The following PRKG1 variants were observed in gnomAD, a reference collection of about 807,000 sequenced individuals.
PRKG1 encodes protein kinase cGMP-dependent 1, also known as cGMP-dependent protein kinase 1.
In PRKG1, 35 loss-of-function variants were observed where a neutral mutation model predicts 88.1. The observed-to-expected ratio is 0.40, with a 90% CI of 0.30 to 0.53. The LOEUF is 0.53. Among genes scored for constraint, PRKG1 ranks in the 20% least tolerant of loss-of-function variants. The probability of loss-of-function intolerance (pLI) is 0.59; values close to 1 mark genes in which losing one functional copy is unlikely to be tolerated. For synonymous variants in PRKG1, 303 were observed against 292.5 expected, an observed-to-expected ratio of 1.04 and a Z score of -0.37; for missense variants, 540 against 839.8, an observed-to-expected ratio of 0.64 and a Z score of 4.41.
chr10:52,033,721 G>C (rs1845528364), intron 5 of PRKG1, among the ~76,000 whole-genome samples: 1 of 152,076 alleles, frequency 6.6e-6, no homozygotes, highest in South Asian at 2.1e-4. Flanking sequence ...GTGTTTCTAG[G>C]GCTTCTACTA....
chr10:51,068,383 A>G (rs911259834), intron 1 of PRKG1: 2 of 151,982 alleles, frequency 1.3e-5, no homozygotes, highest in Non-Finnish European at 2.9e-5. Flanking sequence ...ATTTCTTGAC[A>G]TCTTTCTCTT....
In PRKG1 at chr10:51,908,709, C is replaced by CTA. The variant is rs58771112; in HGVS notation, c.762+1140_762+1141insAT. On this transcript the variant is annotated intron_variant, in intron 5 of 17. Transcript: ENST00000373980. ...AGATTGTGACTCTCTCTCTCTCTCTCTCTCTGTCTATCTATCTATATGTAA... is the reference window on the plus strand; with the variant it reads ...AGATTGTGACTCTCTCTCTCTCTCTCTATCTCTGTCTATCTATCTATATGTAA... The CTA allele has an allele frequency of 8.9e-4, 67 of 75,216 alleles. 1 individual carries two copies. The highest frequency in any genetic ancestry group is 7.2e-3 in the Middle Eastern group (1 of 138). The allele number at this position is 75,216 out of a possible 1,614,324, so 4.7% of individuals were successfully genotyped here.
intron 3 of PRKG1, among the ~76,000 whole-genome samples, chr10:51,591,263 C>A (rs890389888): frequency 6.6e-6 from 1 of 152,136 alleles, no homozygotes; most frequent in South Asian, 2.1e-4. Context: ...GAGACGAACT[C>A]TATAATCCTT....
chr10:51,107,272 G>A (rs538030548), intron 1 of PRKG1, among the ~76,000 whole-genome samples: 6 of 152,232 alleles, frequency 3.9e-5, no homozygotes, highest in African/African-American at 9.6e-5. Flanking sequence ...ATCAGCTCTC[G>A]TGAGGCTAGG....
intron 6 of PRKG1, 56 bp from the exon 7 acceptor site, chr10:52,062,481 C>T: frequency 1.8e-6 from 2 of 1,106,032 alleles, no homozygotes; most frequent in Non-Finnish European, 1.3e-6. Flanking sequence ...AATTAGTGTT[C>T]CTTTGTCCAT....
intron 2 of PRKG1, among the ~76,000 whole-genome samples, chr10:51,364,455 C>T (rs1167032956): frequency 6.6e-6 from 1 of 151,874 alleles, no homozygotes; most frequent in Non-Finnish European, 1.5e-5. Context: ...TGTGCTTGAC[C>T]GTTTCCAACA....
At chr10:52,090,800 G>A (rs951116741) in intron 7 of PRKG1, among the ~76,000 whole-genome samples, 43 of 152,236 alleles carry the variant, frequency 2.8e-4, no homozygotes, top group African/African-American at 9.9e-4. Context: ...TAATCAATTA[G>A]CACATTACAT....
intron 3 of PRKG1, among the ~76,000 whole-genome samples, chr10:51,566,809 C>G (rs191349024): frequency 6.6e-6 from 1 of 151,794 alleles, no homozygotes; most frequent in African/African-American, 2.4e-5. Context: ...GTCCTGTGAT[C>G]ACTGATTGTT....
At position 50,991,070 on chromosome 10, in the gene PRKG1, T is replaced by G; in HGVS notation, c.-309T>G. The G allele has an allele frequency of 3.5e-6, 1 of 282,594 alleles. No homozygotes were observed. Among genetic ancestry groups the G allele is most frequent in the East Asian group, 9.0e-5 (1 of 11,126 alleles). 17.5% of individuals were successfully genotyped at this position (282,594 alleles called of 1,614,324 possible). On this transcript the variant is annotated 5_prime_UTR_variant, in exon 1 of 18. Transcript: ENST00000401604. This position sits in a 1 kb window ranked among gnomAD's most constrained non-coding sequence, Gnocchi z 4.5. ...CTCAGGGGAGGAAGGGCAGCTCTAA[T>G]TGGTTTCTCAATGAAAGATAATCAC... is the stretch of plus-strand genomic sequence containing the variant.
chr10:52,145,685 G>A (rs1319190405), intron 8 of PRKG1, among the ~76,000 whole-genome samples: 1 of 152,124 alleles, frequency 6.6e-6, no homozygotes, highest in African/African-American at 2.4e-5. Flanking sequence ...TTTTTTGGTG[G>A]AGTTAAATGG....
chr10:52,265,235 C>T (rs1296137477), intron 10 of PRKG1, among the ~76,000 whole-genome samples: 1 of 152,032 alleles, frequency 6.6e-6, no homozygotes, highest in East Asian at 1.9e-4. Context: ...CCCTTCATCA[C>T]CGTTGTTCTG....
At chr10:51,876,103 T>C (rs73333451) in intron 4 of PRKG1, among the ~76,000 whole-genome samples, 1,881 of 152,284 alleles carry the variant, frequency 0.012, 37 homozygotes, top group African/African-American at 0.043. Flanking sequence ...AAACAGCACT[T>C]TCTCTGTCTC....
chr10:52,101,853 T>C (rs1847300729), intron 7 of PRKG1, among the ~76,000 whole-genome samples: 1 of 152,178 alleles, frequency 6.6e-6, no homozygotes, highest in Non-Finnish European at 1.5e-5. Flanking sequence ...TAGTTCTGGA[T>C]GATGGAAGCC....
At chr10:51,903,164 A>G (rs938663005) in intron 4 of PRKG1, among the ~76,000 whole-genome samples, 2 of 152,306 alleles carry the variant, frequency 1.3e-5, no homozygotes, top group Non-Finnish European at 2.9e-5. Flanking sequence ...TGTCAGTGTC[A>G]TATGGGCAAA....
At chr10:52,041,363 G>T (rs1056328617) in intron 5 of PRKG1, among the ~76,000 whole-genome samples, 3 of 152,166 alleles carry the variant, frequency 2.0e-5, no homozygotes, top group African/African-American at 7.2e-5. Context: ...AAGTGCTGTT[G>T]AATTCAGTTT....
chr10:52,097,414 T>C (rs1282328909), intron 7 of PRKG1, among the ~76,000 whole-genome samples: 1 of 152,142 alleles, frequency 6.6e-6, no homozygotes, highest in Non-Finnish European at 1.5e-5. Flanking sequence ...TTTGCATTTT[T>C]TATTAATATA....
intron 3 of PRKG1, among the ~76,000 whole-genome samples, chr10:51,468,713 T>A (rs577462897): frequency 6.6e-6 from 1 of 151,748 alleles, no homozygotes; most frequent in South Asian, 2.1e-4. Context: ...TTTTGTCATT[T>A]AAAAAAAATG....
At chr10:51,532,864 C>T (rs1360400117) in intron 3 of PRKG1, among the ~76,000 whole-genome samples, 2 of 152,294 alleles carry the variant, frequency 1.3e-5, no homozygotes, top group South Asian at 2.1e-4. Flanking sequence ...TCCCCTCTCC[C>T]CTTCTCCCTT....
At chr10:51,022,362 G>T (rs2132736440) in intron 1 of PRKG1, among the ~76,000 whole-genome samples, 1 of 152,276 alleles carries the variant, frequency 6.6e-6, no homozygotes, top group South Asian at 2.1e-4. Flanking sequence ...TTCATTTCTT[G>T]ACATCTCCTC....
Sources: allele counts gnomAD v4.1 joint callset (sites outside exome capture counted in the v4.1 genomes callset), GRCh38; gene constraint gnomAD v4.1.1; non-coding constraint Gnocchi (gnomAD v3.1); transcripts MANE v1.5; gene names NCBI Gene and HGNC (gene_info 2026-07-23, HGNC 2026-07-21).